Variants in CNGB3 observed in about 807,000 individuals in gnomAD.
The protein encoded by CNGB3 is cyclic nucleotide-gated channel beta-3.
CNGB3 carries 86 observed loss-of-function variants against 92.8 expected under a neutral mutation model. The observed-to-expected ratio is 0.93, with a 90% CI of 0.78 to 1.11. The LOEUF (loss-of-function observed/expected upper bound fraction) is 1.11, where lower values mean the gene tolerates loss of function less well. CNGB3 is among the 50% of genes least tolerant of loss of function. The pLI is 0.00. For synonymous variants in CNGB3, 333 were observed against 332.7 expected (o/e 1.00, Z -0.01); for missense variants, 1,026 against 956.8 (o/e 1.07, Z -0.95).
chr8:86,731,384 C>T (rs1204621209), intron 2 of CNGB3, among the ~76,000 whole-genome samples: 3 of 152,126 alleles, frequency 2.0e-5, no homozygotes, highest in Non-Finnish European at 4.4e-5. Context: ...CTATAATGTC[C>T]TGAAGGGATC....
At chr8:86,653,798 T>G (rs1328542103) in intron 7 of CNGB3, among the ~76,000 whole-genome samples, 5 of 152,136 alleles carry the variant, frequency 3.3e-5, no homozygotes, top group African/African-American at 1.2e-4. Flanking sequence ...CTAACTTATT[T>G]TGGTCTGCTT....
intron 13 of CNGB3, among the ~76,000 whole-genome samples, chr8:86,625,760 C>A (rs1822833707): frequency 6.6e-6 from 1 of 151,752 alleles, no homozygotes; most frequent in Admixed American, 6.6e-5. Flanking sequence ...AAGAACTCTT[C>A]TTTTTTGACA....
chr8:86,629,102 C>A (rs368838836), intron 11 of CNGB3, 24 bp from the exon 12 acceptor site: 3 of 1,613,558 alleles, frequency 1.9e-6, no homozygotes, highest in Non-Finnish European at 2.5e-6. Context: ...TATGGTCACT[C>A]CACGCCCAGC....
rs143655703 is a variant in CNGB3 at position 86,603,261 on chromosome 8, G to C, written c.1781+832C>G. 5.7e-3 allele frequency among the ~76,000 whole-genome samples: 870 copies of C among 152,188 alleles called. 7 individuals carry two copies. Among genetic ancestry groups the C allele is most frequent in the African/African-American group, 0.02 (813 of 41,544 alleles). On this transcript the variant is annotated intron_variant, in intron 15 of 17. Coordinates refer to ENST00000320005, the MANE Select transcript of CNGB3 (RefSeq NM_019098.5). ...GACTGGACTATAAACTCTGTTAGGG[G>C]CCATATCTTGTCTAATATTTTTATA...
intron 13 of CNGB3, among the ~76,000 whole-genome samples, chr8:86,624,061 G>T (rs150087291): frequency 2.2e-4 from 33 of 152,226 alleles, no homozygotes; most frequent in African/African-American, 5.5e-4. Context: ...TGTTCAAACT[G>T]GTCTTGAATA....
At chr8:86,729,545 A>T (rs1175232691) in intron 2 of CNGB3, among the ~76,000 whole-genome samples, 5 of 152,226 alleles carry the variant, frequency 3.3e-5, no homozygotes, top group African/African-American at 1.2e-4. Context: ...TAAACATTTA[A>T]TTACAAAATA....
chr8:86,652,542 A>G (rs1018658410), intron 7 of CNGB3, among the ~76,000 whole-genome samples: 6 of 151,990 alleles, frequency 3.9e-5, no homozygotes, highest in Non-Finnish European at 7.4e-5. Flanking sequence ...TATTTTCATT[A>G]TATATGTATT....
At chr8:86,715,918 A>G (rs537238803) in intron 3 of CNGB3, among the ~76,000 whole-genome samples, 1 of 151,784 alleles carries the variant, frequency 6.6e-6, no homozygotes, top group East Asian at 2.0e-4. Flanking sequence ...TGGCACATGT[A>G]TACATATGTA....
At chr8:86,608,460 G>A (rs943863076) in intron 14 of CNGB3, among the ~76,000 whole-genome samples, 4 of 152,188 alleles carry the variant, frequency 2.6e-5, no homozygotes, top group East Asian at 3.9e-4. Flanking sequence ...CTGGGAAAGG[G>A]AGTCTCCTTT....
intron 15 of CNGB3, among the ~76,000 whole-genome samples, chr8:86,603,128 A>G (rs759110556): frequency 6.6e-6 from 1 of 152,186 alleles, no homozygotes; most frequent in African/African-American, 2.4e-5. Flanking sequence ...TGACCACTGC[A>G]TCTAAGTTGT....
In CNGB3 at chr8:86,583,787, G is replaced by T. The variant is rs570565609; in HGVS notation, c.1782-4535C>A. Among the ~76,000 whole-genome samples the T allele has an allele frequency of 2.6e-4, 39 of 151,958 alleles. 1 individual carries two copies. In the East Asian group the frequency reaches 7.2e-3, roughly 28 times the overall value. ...ATACAAAAGTTAGCTGGGCATCGTG[G>T]CACACACCTGTAGTCCCAGCTACTT... On this transcript the variant is annotated intron_variant, in intron 15 of 17. Coordinates refer to ENST00000320005, the MANE Select transcript of CNGB3 (RefSeq NM_019098.5).
chr8:86,686,623 C>A (rs577389240), intron 3 of CNGB3, among the ~76,000 whole-genome samples: 117 of 146,342 alleles, frequency 8.0e-4, no homozygotes, highest in Non-Finnish European at 1.5e-3. Flanking sequence ...ACTTGGCTTT[C>A]TAGCAGTAAC....
chr8:86,713,954 C>G (rs13270693), intron 3 of CNGB3, among the ~76,000 whole-genome samples: 42,487 of 152,054 alleles, frequency 0.28, 6,072 homozygotes, highest in South Asian at 0.34. Flanking sequence ...GCATAACCTT[C>G]CCCATTATCA....
intron 3 of CNGB3, among the ~76,000 whole-genome samples, chr8:86,691,674 A>G (rs1333071955): frequency 1.3e-5 from 2 of 152,114 alleles, no homozygotes; most frequent in East Asian, 3.9e-4. Flanking sequence ...TTTTCAAATA[A>G]CCAGTGTTTT....
At chr8:86,716,549 G>T (rs1824856633) in intron 3 of CNGB3, among the ~76,000 whole-genome samples, 1 of 152,180 alleles carries the variant, frequency 6.6e-6, no homozygotes, top group Non-Finnish European at 1.5e-5. Context: ...AGCTAGAAGG[G>T]ATTGGAATCC....
chr8:86,710,554 A>G lies in CNGB3; in HGVS notation c.338+15977T>C, dbSNP rs188031195. On this transcript the variant is annotated intron_variant, in intron 3 of 17. Coordinates refer to ENST00000320005, the MANE Select transcript of CNGB3 (RefSeq NM_019098.5). Reference sequence around the variant, plus strand: ...CTTTTACCTGTTAGCCAGCTCTTCCAGCCATCATCAACCAATTAACTTTCA... The same window carrying G: ...CTTTTACCTGTTAGCCAGCTCTTCCGGCCATCATCAACCAATTAACTTTCA... Among the ~76,000 whole-genome samples the G allele has an allele frequency of 1.1e-3, 160 of 152,318 alleles. 1 individual carries two copies. The highest frequency in any genetic ancestry group is 3.7e-3 in the African/African-American group (152 of 41,574).
In CNGB3 at chr8:86,674,765, G is replaced by C. The variant is rs74887648; in HGVS notation, c.339-3667C>G. Among the ~76,000 whole-genome samples the C allele has an allele frequency of 4.9e-3, 739 of 152,220 alleles. 7 individuals are homozygous for C. Among genetic ancestry groups the C allele is most frequent in the African/African-American group, 0.017 (702 of 41,528 alleles). On this transcript the variant is annotated intron_variant, in intron 3 of 17. Transcript: ENST00000320005. Reference sequence around the variant, plus strand: ...ATCTTACAATTTAACTTTTGTGTGTGTGTGTGAGATAGGGTCTTGCTCTGC... The same window carrying C: ...ATCTTACAATTTAACTTTTGTGTGTCTGTGTGAGATAGGGTCTTGCTCTGC...
rs35077504 is a variant in CNGB3 at position 86,739,659 on chromosome 8, T to A, written c.207A>T (p.Ile69=). 2 of 1,609,902 alleles carry A rather than the reference T, an allele frequency of 1.2e-6. No homozygotes were observed. Among genetic ancestry groups the A allele is most frequent in the South Asian group, 1.1e-5 (1 of 90,934 alleles). ...TTTTTCAGACTGCATTCTGACCTTG[T>A]ATGTTGGTGTGTGGCTCTTCAGACG... ...PVTSEEPHTN[I]QDKLSKKNSS... The change falls in exon 2 of 18, where the codon ATA becomes ATT. Residue 69 remains isoleucine, a synonymous_variant. Coordinates refer to ENST00000320005, the MANE Select transcript of CNGB3 (RefSeq NM_019098.5).
chr8:86,700,570 G>A (rs1203208935), intron 3 of CNGB3, among the ~76,000 whole-genome samples: 1 of 152,148 alleles, frequency 6.6e-6, no homozygotes, highest in Admixed American at 6.5e-5. Context: ...ATATCGTCAG[G>A]TTATGGTGTG....
Sources: gnomAD v4.1 joint callset for allele counts (sites outside exome capture counted in the v4.1 genomes callset) on GRCh38, gnomAD v4.1.1 for gene constraint, MANE v1.5 for transcripts, NCBI Gene and HGNC (gene_info 2026-07-23, HGNC 2026-07-21) for gene names.